UNC13C: variants seen among roughly 807,000 people sequenced by gnomAD.
UNC13C encodes unc-13 homolog C.
A neutral mutation model predicts 245.4 loss-of-function variants in UNC13C; 174 were observed. The ratio of observed to expected loss-of-function variants is 0.71; its 90% CI spans 0.63 to 0.80. The LOEUF (loss-of-function observed/expected upper bound fraction) is 0.80, where lower values mean the gene tolerates loss of function less well. Among genes scored for constraint, UNC13C ranks in the 30% least tolerant of loss-of-function variants. The pLI, the probability that UNC13C is intolerant of heterozygous loss-of-function variation, is 0.00. For missense variants in UNC13C, 2,829 were observed against 2,602.9 expected (o/e 1.09, Z -1.89); for synonymous variants, 992 against 895.1 (o/e 1.11, Z -1.93).
intron 19 of UNC13C, among the ~76,000 whole-genome samples, chr15:54,427,697 T>C (rs1318854376): frequency 6.6e-6 from 1 of 151,824 alleles, no homozygotes; most frequent in Non-Finnish European, 1.5e-5. Context: ...AAAATACTTT[T>C]TGTGAAAGAA....
At chr15:54,500,740 T>TA in intron 21 of UNC13C, 95 bp from the exon 22 acceptor site, 2 of 963,460 alleles carry the variant, frequency 2.1e-6, no homozygotes, top group African/African-American at 3.3e-5. Context: ...AAATATGTGA[T>TA]ACGGGAGATT....
chr15:54,138,548 G>A (rs1442957873), intron 2 of UNC13C, among the ~76,000 whole-genome samples: 1 of 151,928 alleles, frequency 6.6e-6, no homozygotes, highest in East Asian at 1.9e-4. Context: ...GCCTCTAAAT[G>A]CATTGATTTT....
At chr15:54,539,504 A>G (rs1896146427) in intron 26 of UNC13C, among the ~76,000 whole-genome samples, 1 of 152,038 alleles carries the variant, frequency 6.6e-6, no homozygotes, top group African/African-American at 2.4e-5. Flanking sequence ...TTATCTTAGT[A>G]TACGACTCTT....
At chr15:54,531,686 A>G (rs1435923639) in intron 25 of UNC13C, among the ~76,000 whole-genome samples, 1 of 151,934 alleles carries the variant, frequency 6.6e-6, no homozygotes, top group Non-Finnish European at 1.5e-5. Flanking sequence ...TATAATTCAC[A>G]TACCATAAAA....
chr15:54,068,266 G>T (rs189421488), intron 2 of UNC13C, among the ~76,000 whole-genome samples: 1 of 152,294 alleles, frequency 6.6e-6, no homozygotes, highest in African/African-American at 2.4e-5. Context: ...CATCTAATTT[G>T]TTCCATTTAG....
chr15:54,065,565 A>G (rs1411765462), intron 2 of UNC13C, among the ~76,000 whole-genome samples: 1 of 152,218 alleles, frequency 6.6e-6, no homozygotes, highest in Non-Finnish European at 1.5e-5. Flanking sequence ...TTTTGCCTAC[A>G]TCACAGCTCA....
At chr15:54,325,474 A>T (rs926867189) in intron 14 of UNC13C, among the ~76,000 whole-genome samples, 1 of 152,038 alleles carries the variant, frequency 6.6e-6, no homozygotes, top group Non-Finnish European at 1.5e-5. Context: ...GTTTTGTTAC[A>T]TAGGTATACT....
At chr15:54,550,175 G>C (rs1177759178) in intron 28 of UNC13C, among the ~76,000 whole-genome samples, 1 of 152,080 alleles carries the variant, frequency 6.6e-6, no homozygotes, top group Non-Finnish European at 1.5e-5. Context: ...AACTTGACTG[G>C]CTAAAATACA....
chr15:54,185,051 T>C lies in UNC13C; in HGVS notation c.3071+41367T>C, dbSNP rs1008697313. On this transcript the variant is annotated intron_variant, in intron 4 of 32. Transcript: ENST00000260323. The stretch of plus-strand genomic sequence containing the variant: ...GAGCATTTTTTCATGTGTTTTTTGG[T>C]GGCATAAATGTCTTCTTTTGAGAAG... Among the ~76,000 whole-genome samples the C allele has an allele frequency of 3.3e-5, 5 of 152,300 alleles. No homozygotes were observed. In the South Asian group the frequency reaches 8.3e-4, roughly 25 times the overall value.
chr15:54,516,754 C>T (rs908923834), intron 24 of UNC13C, among the ~76,000 whole-genome samples: 1 of 145,624 alleles, frequency 6.9e-6, no homozygotes, highest in Non-Finnish European at 1.5e-5. Flanking sequence ...GAGCAGAGAT[C>T]GCACCACGGC....
chr15:54,200,122 C>A (rs1004747168), intron 4 of UNC13C, among the ~76,000 whole-genome samples: 23 of 152,142 alleles, frequency 1.5e-4, no homozygotes, highest in Non-Finnish European at 2.9e-4. Context: ...ACTAATCCAA[C>A]AGGAAAATAT....
chr15:53,921,136 G>C, the UNC13C span, among the ~76,000 whole-genome samples: 1 of 151,908 alleles, frequency 6.6e-6, no homozygotes, highest in East Asian at 1.9e-4. Context: ...TGGTAGGTGG[G>C]GCACAGACAT....
rs568219329 is a variant in UNC13C at position 54,369,405 on chromosome 15, T to G, written c.4714-23643T>G. ...ATAACAGCCACATTTACAATTAAATTGGTAATTGACCATTTAGATCACTGT... is the reference window on the plus strand; with the variant it reads ...ATAACAGCCACATTTACAATTAAATGGGTAATTGACCATTTAGATCACTGT... On this transcript the variant is annotated intron_variant, in intron 17 of 32. Transcript: ENST00000260323. Among the ~76,000 whole-genome samples the G allele has an allele frequency of 1.4e-4, 21 of 152,290 alleles. 1 individual carries two copies. The South Asian group carries it at 4.1e-3, about 30-fold the overall frequency.
the UNC13C span, among the ~76,000 whole-genome samples, chr15:53,861,882 C>T: frequency 6.6e-6 from 1 of 152,248 alleles, no homozygotes; most frequent in Non-Finnish European, 1.5e-5. Context: ...CCCACACTAA[C>T]TCCCCATAAT....
chr15:54,563,137 C>T (rs892925355), intron 29 of UNC13C, among the ~76,000 whole-genome samples: 1 of 151,942 alleles, frequency 6.6e-6, no homozygotes, highest in Non-Finnish European at 1.5e-5. Context: ...TCCTCTTTGC[C>T]ATCTCATTCT....
chr15:54,100,395 A>G (rs564310067), intron 2 of UNC13C, among the ~76,000 whole-genome samples: 31 of 152,226 alleles, frequency 2.0e-4, no homozygotes, highest in African/African-American at 7.5e-4. Flanking sequence ...TTGACACCAC[A>G]TTCATTTAGC....
chr15:53,868,068 C>T, the UNC13C span, among the ~76,000 whole-genome samples: 3 of 152,176 alleles, frequency 2.0e-5, no homozygotes, highest in Admixed American at 6.5e-5. Flanking sequence ...TTCCTGGGCT[C>T]AAGCGATCTT....
chr15:53,992,262 A>G (rs940177933), intron 1 of UNC13C, among the ~76,000 whole-genome samples: 8 of 152,070 alleles, frequency 5.3e-5, no homozygotes, highest in Admixed American at 2.0e-4. Context: ...TGCTTTCCCA[A>G]TTCCTACTTG....
the UNC13C span, among the ~76,000 whole-genome samples, chr15:53,864,599 G>A: frequency 3.9e-4 from 59 of 152,208 alleles, no homozygotes; most frequent in Middle Eastern, 3.4e-3. Context: ...CTCTACCTAG[G>A]CTATATCCTT....
Sources: gnomAD v4.1 joint callset for allele counts (sites outside exome capture counted in the v4.1 genomes callset) on GRCh38, gnomAD v4.1.1 for gene constraint, MANE v1.5 for transcripts, NCBI Gene and HGNC (gene_info 2026-07-23, HGNC 2026-07-21) for gene names.